Variants in ERC1 observed in about 807,000 individuals in gnomAD.
ERC1 encodes the protein RAB6 interacting protein 2.
ERC1 carries 56 observed loss-of-function variants against 132.0 expected under a neutral mutation model. That is an observed-to-expected ratio of 0.42 (90% CI 0.34 to 0.53). ERC1 has a LOEUF of 0.53. Ranked by LOEUF, ERC1 falls within the 20% of genes least tolerant of loss-of-function variation. The pLI, the probability that ERC1 is intolerant of heterozygous loss-of-function variation, is 0.03. For synonymous variants in ERC1, 478 were observed against 476.1 expected (o/e 1.00, Z -0.05); for missense variants, 1,202 against 1,349.9 (o/e 0.89, Z 1.72).
chr12:1,378,237 G>T (rs184545489), intron 16 of ERC1, among the ~76,000 whole-genome samples: 2 of 152,138 alleles, frequency 1.3e-5, no homozygotes, highest in Non-Finnish European at 2.9e-5. Context: ...CAAATTCTTA[G>T]CCCAGGGCCC....
intron 15 of ERC1, among the ~76,000 whole-genome samples, chr12:1,346,749 T>C (rs979009528): frequency 6.6e-6 from 1 of 151,474 alleles, no homozygotes; most frequent in Non-Finnish European, 1.5e-5. Context: ...GAGACCATCC[T>C]GGCTAACAAG....
At chr12:1,341,075 T>TC (rs1566629964) in intron 15 of ERC1, among the ~76,000 whole-genome samples, 3 of 24,624 alleles carry the variant, frequency 1.2e-4, no homozygotes, top group African/African-American at 5.0e-4. Flanking sequence ...TTTTCTTTTT[T>TC]TTTTTTTTTT....
At chr12:1,484,614 C>CTG (rs538747207) in intron 18 of ERC1, among the ~76,000 whole-genome samples, 5,874 of 145,304 alleles carry the variant, frequency 0.04, 410 homozygotes, top group African/African-American at 0.14. Flanking sequence ...GAGTCTTGCT[C>CTG]TCGCCCAGGC....
At chr12:1,442,669 T>C (rs962826031) in intron 17 of ERC1, among the ~76,000 whole-genome samples, 5 of 152,212 alleles carry the variant, frequency 3.3e-5, no homozygotes, top group African/African-American at 1.2e-4. Context: ...TATTCTCTTT[T>C]AATTATTTCC....
intron 2 of ERC1, among the ~76,000 whole-genome samples, chr12:1,050,814 GCCAACAT>G (rs1971823564): frequency 6.6e-6 from 1 of 152,028 alleles, no homozygotes; most frequent in Non-Finnish European, 1.5e-5. Context: ...GACCATCCTG[GCCAACAT>G]GGTGAAACCC....
intron 13 of ERC1, among the ~76,000 whole-genome samples, 155 bp from the exon 14 acceptor site, chr12:1,262,879 T>C (rs2077231116): frequency 6.6e-6 from 1 of 152,224 alleles, no homozygotes; most frequent in Non-Finnish European, 1.5e-5. Flanking sequence ...CTTTCCTTGC[T>C]TTCTTTATTG....
chr12:1,356,213 A>ATGTGTGTGT (rs1491368587), intron 15 of ERC1, among the ~76,000 whole-genome samples: 3 of 130,010 alleles, frequency 2.3e-5, no homozygotes, highest in Non-Finnish European at 4.6e-5. Flanking sequence ...AAAAAAAAAA[A>ATGTGTGTGT]GTGTGTGTGT....
In ERC1 at chr12:1,083,518, C is replaced by A. The variant is rs1375220297; in HGVS notation, c.1024C>A (p.His342Asn). 6.2e-7 allele frequency: 1 copy of A among 1,613,482 alleles called. No homozygotes were observed. The highest frequency in any genetic ancestry group is 8.5e-7 in the Non-Finnish European group (1 of 1,179,848). ...RTRRLAEAEM[H>N]VHHLESLLEQ... ...AAGACGACTGGCAGAGGCAGAGATGCACGTTCATCACCTAGAAAGCCTTTT... is the reference window on the plus strand; with the variant it reads ...AAGACGACTGGCAGAGGCAGAGATGAACGTTCATCACCTAGAAAGCCTTTT... The change falls in exon 3 of 19, where the codon CAC (histidine) becomes AAC (asparagine). Residue 342 changes from histidine to asparagine, a missense_variant. Transcript: ENST00000360905.
chr12:1,227,634 G>A (rs762378582), intron 12 of ERC1, among the ~76,000 whole-genome samples: 2 of 152,106 alleles, frequency 1.3e-5, no homozygotes, highest in Non-Finnish European at 2.9e-5. Context: ...TTGCATTGCT[G>A]TGCAGAAGCC....
At chr12:1,102,481 CATGCTGT>C (rs1445663551) in intron 3 of ERC1, among the ~76,000 whole-genome samples, 1 of 152,068 alleles carries the variant, frequency 6.6e-6, no homozygotes, top group Non-Finnish European at 1.5e-5. Flanking sequence ...AGCTGTGTAG[CATGCTGT>C]ATGAGAAATA....
intron 17 of ERC1, among the ~76,000 whole-genome samples, chr12:1,424,578 A>T (rs1177880850): frequency 1.3e-5 from 2 of 152,222 alleles, no homozygotes; most frequent in Non-Finnish European, 2.9e-5. Context: ...AAGATCCTCA[A>T]GGCAGTGGTG....
intron 15 of ERC1, 71 bp from the exon 16 acceptor site, chr12:1,371,762 C>T: frequency 6.6e-7 from 1 of 1,514,862 alleles, no homozygotes; most frequent in South Asian, 1.3e-5. Context: ...AATGGGGGTA[C>T]TGGTAATAGT....
At chr12:998,305 A>C (rs1045289281) in intron 1 of ERC1, 3 of 152,216 alleles carry the variant, frequency 2.0e-5, no homozygotes, top group African/African-American at 4.8e-5. Context: ...TAACTTAAGA[A>C]ACATTTATTG....
At chr12:1,168,635 C>T (rs546242038) in intron 8 of ERC1, among the ~76,000 whole-genome samples, 10 of 151,986 alleles carry the variant, frequency 6.6e-5, no homozygotes, top group Non-Finnish European at 1.3e-4. Flanking sequence ...CAGGTGCCCA[C>T]CACCACACCC....
chr12:1,145,346 A>T (rs1950255718), intron 8 of ERC1, among the ~76,000 whole-genome samples: 1 of 152,054 alleles, frequency 6.6e-6, no homozygotes, highest in African/African-American at 2.4e-5. Context: ...TTTGTTGGCC[A>T]TTTGTATATC....
intron 7 of ERC1, among the ~76,000 whole-genome samples, chr12:1,121,789 ATC>A (rs869151402): frequency 1.2e-3 from 6 of 5,144 alleles, no homozygotes; most frequent in African/African-American, 2.0e-3. Flanking sequence ...ATCTATCTCT[ATC>A]TCTATCTCTA....
intron 15 of ERC1, among the ~76,000 whole-genome samples, chr12:1,345,462 C>T (rs1357297169): frequency 2.0e-5 from 3 of 152,092 alleles, no homozygotes; most frequent in Non-Finnish European, 4.4e-5. Context: ...GGATTACAGG[C>T]GTGAGCCACC....
At chr12:1,049,752 T>A (rs1971610727) in intron 2 of ERC1, among the ~76,000 whole-genome samples, 1 of 149,176 alleles carries the variant, frequency 6.7e-6, no homozygotes, top group Non-Finnish European at 1.5e-5. Context: ...GTGATCTTTT[T>A]TTTTTTTTTT....
At chr12:1,347,844 G>T (rs1030472094) in intron 15 of ERC1, among the ~76,000 whole-genome samples, 4 of 152,122 alleles carry the variant, frequency 2.6e-5, no homozygotes, top group Non-Finnish European at 5.9e-5. Context: ...TTAGCCAGGG[G>T]TGGTGGCGCA....
Sources: gnomAD v4.1 joint callset for allele counts (sites outside exome capture counted in the v4.1 genomes callset) on GRCh38, gnomAD v4.1.1 for gene constraint, MANE v1.5 for transcripts, NCBI Gene and HGNC (gene_info 2026-07-23, HGNC 2026-07-21) for gene names.